FARSB: variants seen among roughly 807,000 people sequenced by gnomAD.
FARSB encodes phenylalanyl-tRNA synthetase subunit beta.
In FARSB, 40 loss-of-function variants were observed where a neutral mutation model predicts 69.6. The ratio of observed to expected loss-of-function variants is 0.57; its 90% confidence interval spans 0.45 to 0.75. The LOEUF is 0.75. FARSB is among the 30% of genes least tolerant of loss of function. The pLI is 0.00. For missense variants in FARSB, 632 were observed against 722.9 expected, an observed-to-expected ratio of 0.87 and a Z score of 1.44; for synonymous variants, 235 against 247.2, an observed-to-expected ratio of 0.95 and a Z score of 0.46.
chr2:222,644,546 T>C (rs868782063), intron 2 of FARSB: 27 of 455,380 alleles, frequency 5.9e-5, no homozygotes, highest in African/African-American at 3.6e-4. Flanking sequence ...TCCCAGGAGA[T>C]GGCAGATCTC....
intron 5 of FARSB, among the ~76,000 whole-genome samples, chr2:222,639,364 G>A (rs990563938): frequency 1.3e-5 from 2 of 152,116 alleles, no homozygotes; most frequent in African/African-American, 4.8e-5. Flanking sequence ...AGCAGTAAAA[G>A]GTATCTGGTA....
intron 16 of FARSB, among the ~76,000 whole-genome samples, chr2:222,591,339 A>G (rs1690270471): frequency 1.3e-5 from 2 of 152,200 alleles, no homozygotes; most frequent in Admixed American, 1.3e-4. Context: ...AGTATCCAGA[A>G]ATGTCAAAAA....
intron 16 of FARSB, among the ~76,000 whole-genome samples, chr2:222,597,207 G>T (rs1690441335): frequency 6.6e-6 from 1 of 152,168 alleles, no homozygotes; most frequent in Admixed American, 6.5e-5. Context: ...CTGCCCATGT[G>T]TAAAAAGCTT....
intron 10 of FARSB, among the ~76,000 whole-genome samples, chr2:222,625,973 G>A (rs1195887036): frequency 3.3e-5 from 5 of 152,032 alleles, no homozygotes; most frequent in Admixed American, 1.3e-4. Flanking sequence ...ATGGCTGGGC[G>A]TGGTGGCTCA....
At chr2:222,579,134 A>G (rs190194964) in intron 16 of FARSB, among the ~76,000 whole-genome samples, 132 of 152,336 alleles carry the variant, frequency 8.7e-4, no homozygotes, top group African/African-American at 2.8e-3. Flanking sequence ...GGAGATTAGG[A>G]GGCTTGCCCT....
At chr2:222,619,568 T>C in intron 14 of FARSB, 77 bp downstream of exon 14, 2 of 725,064 alleles carry the variant, frequency 2.8e-6, no homozygotes, top group African/African-American at 1.7e-5. Context: ...TCAGGTATAA[T>C]AACTGAAGAG....
intron 9 of FARSB, 47 bp downstream of exon 9, chr2:222,630,066 C>G: frequency 8.7e-7 from 1 of 1,151,778 alleles, no homozygotes; most frequent in Admixed American, 2.1e-5. Flanking sequence ...CACAAAGCCT[C>G]GCCTTCAGAA....
intron 2 of FARSB, among the ~76,000 whole-genome samples, chr2:222,644,252 C>T (rs1183307858): frequency 6.6e-6 from 1 of 152,102 alleles, no homozygotes; most frequent in Non-Finnish European, 1.5e-5. Context: ...CCTGAGGAAC[C>T]ACAGGAGTCT....
chr2:222,648,586 C>T (rs1220553013), intron 2 of FARSB, among the ~76,000 whole-genome samples, 154 bp downstream of exon 2: 1 of 152,222 alleles, frequency 6.6e-6, no homozygotes. Flanking sequence ...AACAGACAGA[C>T]ATGGAGCTTA....
chr2:222,616,745 A>G (rs915093925), intron 14 of FARSB, among the ~76,000 whole-genome samples: 1 of 152,154 alleles, frequency 6.6e-6, no homozygotes, highest in African/African-American at 2.4e-5. Context: ...CATATTTACT[A>G]TCAAAAAAGA....
At chr2:222,611,488 C>T (rs1249726831) in intron 15 of FARSB, among the ~76,000 whole-genome samples, 1 of 151,862 alleles carries the variant, frequency 6.6e-6, no homozygotes, top group African/African-American at 2.4e-5. Context: ...ACTCTGTTGC[C>T]CAGGCTGGAG....
Position 222,619,657 on chromosome 2 carries a change from T to G in FARSB, c.1332A>C (p.Thr444=), listed in dbSNP as rs1238295099. 1.3e-6 allele frequency: 2 copies of G among 1,572,800 alleles called. No individual in the cohort carries two copies. The highest frequency in any genetic ancestry group is 8.7e-7 in the Non-Finnish European group (1 of 1,143,022). ...TTAAAATTCTTACCTGAAATTCAGC[T>G]GTTTTAGGATTACTTATGTGGACTG... is the stretch of plus-strand genomic sequence containing the variant. ...TKAVHISNPK[T]AEFQVARTTL... The change falls in exon 14 of 17, where the codon ACA becomes ACC. Residue 444 remains threonine (T), a synonymous_variant. Coordinates refer to ENST00000281828, the MANE Select transcript of FARSB (RefSeq NM_005687.5).
At chr2:222,574,442 T>C (rs1184740598) in intron 16 of FARSB, among the ~76,000 whole-genome samples, 1 of 152,162 alleles carries the variant, frequency 6.6e-6, no homozygotes, top group Non-Finnish European at 1.5e-5. Context: ...CATAGACCCA[T>C]CCAGGCCACT....
chr2:222,642,951 C>G lies in FARSB; in HGVS notation c.169G>C (p.Ala57Pro). 6.2e-7 allele frequency: 1 copy of G among 1,611,114 alleles called. No individual in the cohort carries two copies. The highest frequency in any genetic ancestry group is 8.5e-7 in the Non-Finnish European group (1 of 1,177,410). ...KEQGNVKAAG[A>P]SDVVLYKIDV... The stretch of plus-strand genomic sequence containing the variant: ...ATTTTGTAAAGAACAACATCAGAGG[C>G]TCCTGCTGCCTTTACATTACCTTGT... Residue 57 changes from alanine to proline, a missense_variant, in exon 3 of 17, where the codon GCC becomes CCC. Coordinates refer to ENST00000281828, the MANE Select transcript of FARSB (RefSeq NM_005687.5).
chr2:222,606,203 C>A (rs1045702041), intron 15 of FARSB, among the ~76,000 whole-genome samples: 3 of 152,078 alleles, frequency 2.0e-5, no homozygotes, highest in African/African-American at 7.2e-5. Context: ...GGACTTACTT[C>A]CTTATATCTT....
intron 1 of FARSB, among the ~76,000 whole-genome samples, chr2:222,652,246 T>C (rs1487314114): frequency 6.6e-6 from 1 of 152,158 alleles, no homozygotes; most frequent in Non-Finnish European, 1.5e-5. Context: ...GCTGCTGTAA[T>C]GGGATGACAC....
At chr2:222,654,110 G>T (rs1692110731) in intron 1 of FARSB, among the ~76,000 whole-genome samples, 1 of 152,132 alleles carries the variant, frequency 6.6e-6, no homozygotes, top group South Asian at 2.1e-4. Context: ...TGGAGACTGG[G>T]ATGGGAACTG....
intron 1 of FARSB, among the ~76,000 whole-genome samples, chr2:222,650,537 A>G (rs1447667859): frequency 6.6e-6 from 1 of 152,198 alleles, no homozygotes; most frequent in African/African-American, 2.4e-5. Flanking sequence ...AGGTAGGAAT[A>G]GGGAGTGTGT....
intron 15 of FARSB, among the ~76,000 whole-genome samples, chr2:222,603,385 G>A (rs1251807924): frequency 6.6e-6 from 1 of 151,996 alleles, no homozygotes; most frequent in African/African-American, 2.4e-5. Context: ...TTAAGACACT[G>A]TACTCTAATA....
Sources: gnomAD v4.1 joint callset for allele counts (sites outside exome capture counted in the v4.1 genomes callset) on GRCh38, gnomAD v4.1.1 for gene constraint, MANE v1.5 for transcripts, NCBI Gene and HGNC (gene_info 2026-07-23, HGNC 2026-07-21) for gene names.